The following CCDC88B variants were observed in gnomAD, a reference collection of about 807,000 sequenced individuals.
CCDC88B encodes coiled-coil and HOOK domain protein 88B, also known as coiled-coil domain-containing protein 88B.
CCDC88B carries 138 observed loss-of-function variants against 183.7 expected under a neutral mutation model. That is an observed-to-expected ratio of 0.75 (90% CI 0.65 to 0.87). The LOEUF (loss-of-function observed/expected upper bound fraction) is 0.87. CCDC88B is among the 40% of genes least tolerant of loss of function. The pLI is 0.00. For missense variants in CCDC88B, 1,822 were observed against 1,965.6 expected (o/e 0.93, Z 1.38); for synonymous variants, 835 against 867.5 (o/e 0.96, Z 0.66).
chr11:64,340,364 TGAGCCCCAGCCA>T (rs1324553193), intron 1 of CCDC88B, 38 bp downstream of exon 1: 16 of 1,268,912 alleles, frequency 1.3e-5, no homozygotes, highest in Non-Finnish European at 1.6e-5. Context: ...GGAGGGGAAG[TGAGCCCCAGCCA>T]GGGGCTGGTG....
chr11:64,356,625 G>A (rs1483846555), intron 26 of CCDC88B: 1 of 241,196 alleles, frequency 4.1e-6, no homozygotes. Context: ...GCACGTCACA[G>A]GCCAACCCCA....
Position 64,351,205 on chromosome 11 carries a change from C to A in CCDC88B, c.2908C>A (p.Pro970Thr). The A allele has an allele frequency of 6.6e-7, 1 of 1,525,286 alleles. No homozygotes were observed. The highest frequency in any genetic ancestry group is 1.3e-5 in the South Asian group (1 of 79,946). The allele number at this position is 1,525,286 out of a possible 1,614,324, so 94.5% of individuals were successfully genotyped here. A position where few individuals can be genotyped will look rare whatever the true frequency, so the allele number is the denominator to read the frequency against. The change falls in exon 17 of 27, where the codon CCT becomes ACT. Residue 970 changes from proline to threonine, a missense_variant. Transcript: ENST00000356786. ...AGLGPKKRAE[P>T]QLVETQNVRL... ...GCTGGGGCCCAAAAAGCGTGCGGAG[C>A]CTCAGCTGGTGGAGACCCAGAATGT...
Position 64,343,927 on chromosome 11 carries a change from C to T in CCDC88B, c.1455+13C>T, listed in dbSNP as rs1175827716. On this transcript the variant is annotated intron_variant, in intron 13 of 26. Coordinates refer to ENST00000356786, the MANE Select transcript of CCDC88B (RefSeq NM_032251.6). ...GCCAGGGGGCCAGGTAAGTCCCCTC[C>T]CCCAGGGTCCTGGCCGGCCCTTCCC... 6.3e-7 allele frequency: 1 copy of T among 1,590,496 alleles called. No individual in the cohort carries two copies. The highest frequency in any genetic ancestry group is 1.1e-5 in the South Asian group (1 of 87,744).
In CCDC88B at chr11:64,342,307, G is replaced by A; in HGVS notation, c.835G>A (p.Glu279Lys). The A allele has an allele frequency of 1.3e-6, 2 of 1,591,160 alleles. No homozygotes were observed. Among genetic ancestry groups the A allele is most frequent in the South Asian group, 1.1e-5 (1 of 87,578 alleles). ...CCTTCCCTCCAGGGAGGAGAAGGCC[G>A]AGCTGCTGCTAGACTCCCAGGCCGA... ...RLRQELEEKA[E>K]LLLDSQAEVQ... The change falls in exon 9 of 27, where the codon GAG (glutamate) becomes AAG (lysine). Residue 279 changes from glutamate (E) to lysine (K), a missense_variant. Transcript: ENST00000356786.
At chr11:64,352,992 C>G in intron 20 of CCDC88B, 62 bp from the exon 21 acceptor site, 1 of 1,513,850 alleles carries the variant, frequency 6.6e-7, no homozygotes, top group South Asian at 1.3e-5. Context: ...CATAACTTCT[C>G]TGGCCAGCAC....
chr11:64,356,753 C>CT, intron 26 of CCDC88B: 1 of 475,020 alleles, frequency 2.1e-6, no homozygotes, highest in Non-Finnish European at 3.7e-6. Context: ...CTCAGGAGCT[C>CT]TGGGCAGGCT....
At position 64,342,386 on chromosome 11, in the gene CCDC88B, A is replaced by G. The variant is rs748719553; in HGVS notation, c.903+11A>G. The G allele has an allele frequency of 6.4e-7, 1 of 1,569,644 alleles. No individual in the cohort carries two copies. The highest frequency in any genetic ancestry group is 1.9e-5 in the Admixed American group (1 of 53,198). ...AGGCTCCGCCAGGAGGTGCGCTCAC[A>G]TGCTCCCCGCCACCGCGGCATTCCC... On this transcript the variant is annotated intron_variant, in intron 9 of 26. Coordinates refer to ENST00000356786, the MANE Select transcript of CCDC88B (RefSeq NM_032251.6).
Position 64,353,234 on chromosome 11 carries a change from G to T in CCDC88B, c.3681G>T (p.Gln1227His), listed in dbSNP as rs576630. The change falls in exon 21 of 27, where the codon CAG becomes CAT. Residue 1227 changes from glutamine to histidine, a missense_variant. Gln to His is a conservative substitution (Grantham distance 24, BLOSUM62 0). Transcript: ENST00000356786. ...TGAGCGCCTGCCGGCTGACCACGCA[G>T]TGTGAGGTGTGGCTGGAGGGCCGGT... is the stretch of plus-strand genomic sequence containing the variant. ...LDLSACRLTTQCELLTQLRSA... is the reference protein window; with the variant it reads ...LDLSACRLTTHCELLTQLRSA... The T allele has an allele frequency of 3.8e-6, 6 of 1,564,992 alleles. No individual in the cohort carries two copies. In the African/African-American group the frequency reaches 8.1e-5, roughly 21 times the overall value.
In CCDC88B at chr11:64,340,903, A is replaced by C. The variant is rs746948276; in HGVS notation, c.207-4A>C. 1.3e-6 allele frequency: 2 copies of C among 1,546,568 alleles called. No homozygotes were observed. The highest frequency in any genetic ancestry group is 1.7e-6 in the Non-Finnish European group (2 of 1,146,474). On this transcript the variant is annotated splice_polypyrimidine_tract_variant and splice_region_variant and intron_variant, in intron 2 of 26. Coordinates refer to ENST00000356786, the MANE Select transcript of CCDC88B (RefSeq NM_032251.6). Reference sequence around the variant, plus strand: ...GGGTCCTCGAGCCCACCTCCGGCTCATAGTGCCCCCAGCTCCCGAGGGGGA... The same window carrying C: ...GGGTCCTCGAGCCCACCTCCGGCTCCTAGTGCCCCCAGCTCCCGAGGGGGA...
At chr11:64,351,711 G>A in intron 18 of CCDC88B, 95 bp downstream of exon 18, 2 of 1,390,368 alleles carry the variant, frequency 1.4e-6, no homozygotes, top group Non-Finnish European at 1.9e-6. Flanking sequence ...CCAGCTCCCA[G>A]CCAGCTGCCC....
chr11:64,351,419 TA>T (rs1456700602), intron 17 of CCDC88B, 56 bp from the exon 18 acceptor site: 1 of 1,548,174 alleles, frequency 6.5e-7, no homozygotes, highest in East Asian at 2.4e-5. Flanking sequence ...GGGCCTGTGG[TA>T]GGCACTAGGG....
chr11:64,344,023 G>A lies in CCDC88B; in HGVS notation c.1482G>A (p.Glu494=). ...GQHPLLEAPR[E]DPVLPVLEEA... The stretch of plus-strand genomic sequence containing the variant: ...ACCCCCTGCTGGAGGCACCGAGAGA[G>A]GACCCTGTTCTTCCAGTGCTGGAGG... The change falls in exon 14 of 27, where the codon GAG becomes GAA. Residue 494 remains glutamate, a synonymous_variant. Transcript: ENST00000356786. This position sits in a 1 kb window ranked among gnomAD's most constrained non-coding sequence, Gnocchi z 4.5. 1 of 1,566,514 alleles carries A rather than the reference G, an allele frequency of 6.4e-7. No individual in the cohort carries two copies. The highest frequency in any genetic ancestry group is 8.7e-7 in the Non-Finnish European group (1 of 1,154,820).
rs150415066 is a variant in CCDC88B at position 64,344,276 on chromosome 11, T to C, written c.1735T>C (p.Ser579Pro). 8.4e-5 allele frequency: 136 copies of C among 1,613,212 alleles called. No homozygotes were observed. Among genetic ancestry groups the C allele is most frequent in the Non-Finnish European group, 1.9e-5 (22 of 1,179,886 alleles). Residue 579 changes from serine to proline, a missense_variant, in exon 14 of 27, where the codon TCA (serine) becomes CCA (proline). Coordinates refer to ENST00000356786, the MANE Select transcript of CCDC88B (RefSeq NM_032251.6). The surrounding 1 kb of genome is among the most constrained non-coding windows in gnomAD (Gnocchi z 4.5). Reference protein sequence around the residue: ...PQASDWSPQESGSPVETQESP... With the variant: ...PQASDWSPQEPGSPVETQESP... ...GGCCTCAGACTGGTCCCCGCAAGAG[T>C]CAGGCTCTCCTGTGGAGACACAGGA...
intron 17 of CCDC88B, 68 bp from the exon 18 acceptor site, chr11:64,351,408 T>C: frequency 6.5e-7 from 1 of 1,543,972 alleles, no homozygotes; most frequent in South Asian, 1.2e-5. Flanking sequence ...AGTGTGAGTG[T>C]GGGCCTGTGG....
At chr11:64,356,952 G>A in intron 26 of CCDC88B, 87 bp from the exon 27 acceptor site, 1 of 1,365,314 alleles carries the variant, frequency 7.3e-7, no homozygotes, top group Admixed American at 2.3e-5. Context: ...GTCGGGGGTG[G>A]GCAGAAGGTG....
At chr11:64,356,727 G>C (rs1404617531) in intron 26 of CCDC88B, 5 of 439,148 alleles carry the variant, frequency 1.1e-5, no homozygotes, top group Non-Finnish European at 2.0e-5. Context: ...AAGGAGAGCA[G>C]GGGAGGGGTC....
rs1178122075 is a variant in CCDC88B at position 64,343,584 on chromosome 11, C to G, written c.1287C>G (p.Ser429Arg). Residue 429 changes from serine (S) to arginine (R), a missense_variant, in exon 12 of 27, where the codon AGC becomes AGG. Ser to Arg is a moderately radical substitution (Grantham distance 110). Transcript: ENST00000356786. ...NVELELELQRSLEPPPGSPGE... is the reference protein window; with the variant it reads ...NVELELELQRRLEPPPGSPGE... Reference sequence around the variant, plus strand: ...AGCTGGAGCTGGAGCTTCAGCGGAGCTTGGAGCCACCTCCAGGATCCCCTG... The same window carrying G: ...AGCTGGAGCTGGAGCTTCAGCGGAGGTTGGAGCCACCTCCAGGATCCCCTG... The G allele has an allele frequency of 4.5e-6, 7 of 1,551,620 alleles. No individual in the cohort carries two copies. Among genetic ancestry groups the G allele is most frequent in the Non-Finnish European group, 6.1e-6 (7 of 1,147,040 alleles).
At position 64,344,224 on chromosome 11, in the gene CCDC88B, C is replaced by T. The variant is rs79231173; in HGVS notation, c.1683C>T (p.Pro561=). The change falls in exon 14 of 27, where the codon CCC becomes CCT. Residue 561 remains proline (P), a synonymous_variant. Coordinates refer to ENST00000356786, the MANE Select transcript of CCDC88B (RefSeq NM_032251.6). This position sits in a 1 kb window ranked among gnomAD's most constrained non-coding sequence, Gnocchi z 4.5. Reference sequence around the variant, plus strand: ...CAGACCCACAGGAGGCAGAGAGTCCCCTTCAGGCAGCTGCCATGGACCCCC... The same window carrying T: ...CAGACCCACAGGAGGCAGAGAGTCCTCTTCAGGCAGCTGCCATGGACCCCC... ...PDSDPQEAES[P]LQAAAMDPQA... 3.1e-6 allele frequency: 5 copies of T among 1,612,560 alleles called. No individual in the cohort carries two copies. In the East Asian group the frequency reaches 8.9e-5, roughly 29 times the overall value.
Position 64,354,178 on chromosome 11 carries a change from TG to T in CCDC88B, c.4099+13del. ...GGGAGGCAGATGGGACAGGTGGGTC[TG>T]GGGGTCAGGTGGCCAGGATGGTCCC... On this transcript the variant is annotated intron_variant, in intron 24 of 26. Transcript: ENST00000356786. 4 of 1,343,346 alleles carry T rather than the reference TG, an allele frequency of 3.0e-6. No individual in the cohort carries two copies. The highest frequency in any genetic ancestry group is 2.4e-5 in the South Asian group (1 of 42,334). The allele number at this position is 1,343,346 out of a possible 1,614,324, so 83.2% of individuals were successfully genotyped here.
Sources: allele counts gnomAD v4.1 joint callset, GRCh38; gene constraint gnomAD v4.1.1; non-coding constraint Gnocchi (gnomAD v3.1); transcripts MANE v1.5; gene names NCBI Gene and HGNC (gene_info 2026-07-23, HGNC 2026-07-21).